CMTM4: variants seen among roughly 807,000 people sequenced by gnomAD.
CMTM4 encodes CKLF-like MARVEL transmembrane domain-containing protein 4.
A neutral mutation model predicts 19.0 loss-of-function variants in CMTM4; 8 were observed. The ratio of observed to expected loss-of-function variants is 0.42; its 90% confidence interval spans 0.25 to 0.76. CMTM4 has a LOEUF of 0.76. CMTM4 is among the 30% of genes least tolerant of loss of function. The pLI is 0.27. For synonymous variants in CMTM4, 106 were observed against 121.1 expected (o/e 0.88, Z 0.82); for missense variants, 228 against 290.2 (o/e 0.79, Z 1.56).
chr16:66,676,075 T>C (rs144531160), intron 1 of CMTM4, among the ~76,000 whole-genome samples: 105 of 152,242 alleles, frequency 6.9e-4, no homozygotes, highest in African/African-American at 2.3e-3. Flanking sequence ...ACAAATTTGC[T>C]GTCAAATTAT....
chr16:66,613,721 G>A (rs530085313), downstream of CMTM4: 3 of 152,538 alleles, frequency 2.0e-5, no homozygotes, highest in African/African-American at 7.2e-5. Flanking sequence ...CTGAAAAAAA[G>A]CCATAATGAA....
chr16:66,673,853 G>A (rs1291564794), intron 1 of CMTM4, among the ~76,000 whole-genome samples: 2 of 152,234 alleles, frequency 1.3e-5, no homozygotes, highest in East Asian at 1.9e-4. Context: ...AGTCTTGGTC[G>A]TGGGATTCTT....
chr16:66,632,639 G>A (rs2015895186), intron 2 of CMTM4, among the ~76,000 whole-genome samples: 1 of 152,106 alleles, frequency 6.6e-6, no homozygotes, highest in Non-Finnish European at 1.5e-5. Context: ...GGGAGCCACT[G>A]GCAGGCTTTT....
At chr16:66,650,913 G>A (rs763208520) in intron 1 of CMTM4, among the ~76,000 whole-genome samples, 5 of 152,158 alleles carry the variant, frequency 3.3e-5, no homozygotes, top group Admixed American at 2.0e-4. Flanking sequence ...GTGACCACAC[G>A]CGCACACACA....
At chr16:66,604,880 CG>C in the CMTM4 span, 1 of 1,426,124 alleles carries the variant, frequency 7.0e-7, no homozygotes, top group Non-Finnish European at 9.1e-7. Context: ...CCGCGGTCCC[CG>C]GGCTCCGCGC....
At chr16:66,665,568 A>G (rs1034397201) in intron 1 of CMTM4, among the ~76,000 whole-genome samples, 2 of 152,010 alleles carry the variant, frequency 1.3e-5, no homozygotes, top group African/African-American at 2.4e-5. Flanking sequence ...AACACAATGA[A>G]ACCCCATCTC....
chr16:66,609,840 A>G (rs780269239), downstream of CMTM4: 3 of 1,614,200 alleles, frequency 1.9e-6, no homozygotes, highest in Non-Finnish European at 2.5e-6. The surrounding 1 kb of genome is among the most constrained non-coding windows in gnomAD (Gnocchi z 4.4). Flanking sequence ...CTCCCGGAGC[A>G]GGGAGTCAGC....
chr16:66,604,955 G>T, the CMTM4 span: 1 of 1,501,602 alleles, frequency 6.7e-7, no homozygotes, highest in East Asian at 2.8e-5. Context: ...CCGAGTCGGT[G>T]AGTGCGGCGG....
At chr16:66,636,852 C>G (rs117464239) in intron 1 of CMTM4, among the ~76,000 whole-genome samples, 3 of 152,172 alleles carry the variant, frequency 2.0e-5, no homozygotes, top group African/African-American at 4.8e-5. Flanking sequence ...ATGTGGCCCC[C>G]GGGTGTAAAC....
At position 66,621,908 on chromosome 16, in the gene CMTM4, GGC is replaced by G; in HGVS notation, c.*148_*149del. 1 of 1,437,062 alleles carries G rather than the reference GGC, an allele frequency of 7.0e-7. No individual in the cohort carries two copies. Among genetic ancestry groups the G allele is most frequent in the Admixed American group, 2.7e-5 (1 of 37,176 alleles). The allele number at this position is 1,437,062 out of a possible 1,614,324, so 89.0% of individuals were successfully genotyped here. On this transcript the variant is annotated 3_prime_UTR_variant, in exon 4 of 4. Transcript: ENST00000394106. ...AACTCCACCGCGGACCCGCCCACTG[GGC>G]CACTCGGGAAACCCTTTCCCAAAAT...
chr16:66,618,681 A>T lies in CMTM4; in HGVS notation c.*3377T>A. The T allele has an allele frequency of 1.0e-6, 1 of 985,504 alleles. No homozygotes were observed. 61.0% of individuals were successfully genotyped at this position (985,504 alleles called of 1,614,324 possible). A position where few individuals can be genotyped will look rare whatever the true frequency, so the allele number is the denominator to read the frequency against. The stretch of plus-strand genomic sequence containing the variant: ...TTGGAGCTTGGTCTCCTCAGGCTTA[A>T]CCCAAGGCTGACTCACTAGGACAGC... On this transcript the variant is annotated 3_prime_UTR_variant, in exon 4 of 4. Coordinates refer to ENST00000394106, the MANE Select transcript of CMTM4 (RefSeq NM_181521.3).
chr16:66,640,121 C>G (rs562292952), intron 1 of CMTM4, among the ~76,000 whole-genome samples: 12 of 152,050 alleles, frequency 7.9e-5, no homozygotes, highest in Non-Finnish European at 7.4e-5. Context: ...GTCAGGAGTT[C>G]GAGATCAGCC....
At chr16:66,663,643 A>G (rs905718987) in intron 1 of CMTM4, among the ~76,000 whole-genome samples, 23 of 146,470 alleles carry the variant, frequency 1.6e-4, no homozygotes, top group Non-Finnish European at 3.3e-4. Context: ...CCCGAATTCA[A>G]GCGATTCTCC....
chr16:66,660,654 G>A (rs954461662), intron 1 of CMTM4, among the ~76,000 whole-genome samples: 3 of 152,048 alleles, frequency 2.0e-5, no homozygotes, highest in Non-Finnish European at 4.4e-5. Flanking sequence ...TTAACTTAGA[G>A]GTATTTTCTA....
In CMTM4 at chr16:66,623,095, G is replaced by T. The variant is rs74519090; in HGVS notation, c.462+309C>A. 0.01 allele frequency among the ~76,000 whole-genome samples: 1,547 copies of T among 152,270 alleles called. 79 individuals are homozygous for T. In the East Asian group the frequency reaches 0.16, roughly 15 times the overall value. On this transcript the variant is annotated intron_variant, in intron 3 of 3. Transcript: ENST00000394106. ...AGACATCAAGGACTGTGTTGGAAACGAACCAAAGCAGGGGTTCTTGAACTT... is the reference window on the plus strand; with the variant it reads ...AGACATCAAGGACTGTGTTGGAAACTAACCAAAGCAGGGGTTCTTGAACTT...
Position 66,617,532 on chromosome 16 carries a change from G to T in CMTM4, c.*4526C>A. ...GAATTAAACAGAACATTCACTTTCG[G>T]AAGAAAATTTTTCTAGACCTAACAG... On this transcript the variant is annotated 3_prime_UTR_variant, in exon 4 of 4. Coordinates refer to ENST00000394106, the MANE Select transcript of CMTM4 (RefSeq NM_181521.3). 1 of 1,374,728 alleles carries T rather than the reference G, an allele frequency of 7.3e-7. No homozygotes were observed. The highest frequency in any genetic ancestry group is 9.4e-7 in the Non-Finnish European group (1 of 1,065,150). The allele number at this position is 1,374,728 out of a possible 1,614,324, so 85.2% of individuals were successfully genotyped here. A position where few individuals can be genotyped will look rare whatever the true frequency, so the allele number is the denominator to read the frequency against.
the CMTM4 span, chr16:66,608,344 G>T: frequency 6.2e-7 from 1 of 1,614,162 alleles, no homozygotes; most frequent in Non-Finnish European, 8.5e-7. The surrounding 1 kb of genome is among the most constrained non-coding windows in gnomAD (Gnocchi z 5.1). Flanking sequence ...GCTATGTGGC[G>T]TCCTCAGCAT....
intron 2 of CMTM4, among the ~76,000 whole-genome samples, chr16:66,634,191 G>C (rs543012114): frequency 3.3e-5 from 5 of 152,274 alleles, no homozygotes; most frequent in Non-Finnish European, 7.4e-5. Context: ...TGTAATCCCA[G>C]CACTTTGGGA....
intron 1 of CMTM4, among the ~76,000 whole-genome samples, chr16:66,676,445 G>C (rs1193839694): frequency 6.6e-6 from 1 of 152,122 alleles, no homozygotes; most frequent in Non-Finnish European, 1.5e-5. Context: ...CAAAAGTAAA[G>C]CATGGGGAAA....
Sources: gnomAD v4.1 joint callset for allele counts (sites outside exome capture counted in the v4.1 genomes callset) on GRCh38, gnomAD v4.1.1 for gene constraint, Gnocchi (gnomAD v3.1) non-coding constraint, MANE v1.5 for transcripts, NCBI Gene and HGNC (gene_info 2026-07-23, HGNC 2026-07-21) for gene names.